ABCA13: variants seen among roughly 807,000 people sequenced by gnomAD.
ABCA13 encodes ATP-binding cassette sub-family A member 13.
Under a neutral mutation model 478.7 loss-of-function variants are expected in ABCA13, and 476 were observed. That is an observed-to-expected ratio of 0.99 (90% CI 0.92 to 1.07). The LOEUF (loss-of-function observed/expected upper bound fraction) is 1.07, where lower values mean the gene tolerates loss of function less well. ABCA13 is among the 50% of genes least tolerant of loss of function. ABCA13 has a pLI of 0.00. For synonymous variants in ABCA13, 2,252 were observed against 2,158.9 expected (o/e 1.04, Z -1.20); for missense variants, 6,060 against 5,910.6 (o/e 1.03, Z -0.83).
intron 39 of ABCA13, among the ~76,000 whole-genome samples, chr7:48,406,628 T>C (rs1409354270): frequency 6.6e-6 from 1 of 152,080 alleles, no homozygotes; most frequent in Non-Finnish European, 1.5e-5. Context: ...ATTCCAGCAC[T>C]TTGGGAGGCC....
intron 51 of ABCA13, among the ~76,000 whole-genome samples, chr7:48,513,589 C>T (rs781069122): frequency 5.9e-5 from 9 of 152,048 alleles, no homozygotes; most frequent in African/African-American, 1.2e-4. Context: ...CATGGGGAAG[C>T]GGCCGATTTT....
chr7:48,556,687 A>G (rs1354178314), intron 55 of ABCA13, among the ~76,000 whole-genome samples: 1 of 151,828 alleles, frequency 6.6e-6, no homozygotes, highest in Non-Finnish European at 1.5e-5. Flanking sequence ...TTTTCAGTCT[A>G]TGTGTATTTT....
chr7:48,204,770 C>T (rs896809169), intron 3 of ABCA13, among the ~76,000 whole-genome samples: 3 of 152,200 alleles, frequency 2.0e-5, no homozygotes, highest in African/African-American at 7.2e-5. Context: ...TGGTCAGCTA[C>T]CTGCTCGCGA....
rs1240984095 is a variant in ABCA13, at chr7:48,615,507, G to T, written c.14837+130G>T. Reference sequence around the variant, plus strand: ...TGCTGGCATAAAATAGGAGATGAAGGCTCTGAGGGGATAAAATACTGTGGC... The same window carrying T: ...TGCTGGCATAAAATAGGAGATGAAGTCTCTGAGGGGATAAAATACTGTGGC... On this transcript the variant is annotated intron_variant, in intron 59 of 61. Transcript: ENST00000435803. The T allele has an allele frequency of 1.8e-5, 13 of 704,662 alleles. No individual in the cohort carries two copies. The East Asian group carries it at 3.4e-4, about 19-fold the overall frequency. The allele number at this position is 704,662 out of a possible 1,614,324, so 43.7% of individuals were successfully genotyped here. A position where few individuals can be genotyped will look rare whatever the true frequency, so the allele number is the denominator to read the frequency against.
intron 31 of ABCA13, among the ~76,000 whole-genome samples, chr7:48,359,094 G>A (rs578222881): frequency 1.4e-4 from 21 of 152,074 alleles, no homozygotes; most frequent in Admixed American, 2.0e-4. Context: ...CAGCTCATAC[G>A]GGGTATTAAC....
chr7:48,411,015 CT>C (rs1755425309), intron 40 of ABCA13, among the ~76,000 whole-genome samples: 1 of 115,708 alleles, frequency 8.6e-6, no homozygotes, highest in South Asian at 2.5e-4. Context: ...TTCTTTCTTT[CT>C]TTCTTTCTTT....
At chr7:48,220,926 A>AT (rs911665977) in intron 4 of ABCA13, among the ~76,000 whole-genome samples, 8 of 151,806 alleles carry the variant, frequency 5.3e-5, no homozygotes, top group African/African-American at 1.7e-4. Context: ...TTTTTCCTTC[A>AT]TTTTTTTCTT....
At chr7:48,611,788 C>T (rs2131546717) in intron 58 of ABCA13, 1 of 152,324 alleles carries the variant, frequency 6.6e-6, no homozygotes, top group African/African-American at 2.4e-5. Context: ...ATCAGACCTC[C>T]ACTTGTCTGA....
chr7:48,471,389 A>C, intron 44 of ABCA13, 141 bp from the exon 45 acceptor site: 1 of 724,940 alleles, frequency 1.4e-6, no homozygotes, highest in Non-Finnish European at 2.3e-6. Flanking sequence ...TGTGAAAACA[A>C]ATGTAAGAGC....
At chr7:48,356,582 T>A (rs1341863828) in intron 31 of ABCA13, among the ~76,000 whole-genome samples, 2 of 151,808 alleles carry the variant, frequency 1.3e-5, no homozygotes, top group Non-Finnish European at 2.9e-5. Context: ...TAACTCTATT[T>A]AACTAAAAAT....
intron 56 of ABCA13, among the ~76,000 whole-genome samples, chr7:48,583,401 A>G (rs1257823412): frequency 6.6e-6 from 1 of 152,166 alleles, no homozygotes; most frequent in African/African-American, 2.4e-5. Flanking sequence ...TTAATCTCAC[A>G]GAAATGTTGA....
At position 48,524,232 on chromosome 7, in the gene ABCA13, G is replaced by A; in HGVS notation, c.14052-16G>A. 2 of 1,605,334 alleles carry A rather than the reference G, an allele frequency of 1.2e-6. No individual in the cohort carries two copies. The highest frequency in any genetic ancestry group is 1.7e-6 in the Non-Finnish European group (2 of 1,175,642). ...CATTTGCTAGGTGTGAATTCACTCT[G>A]ATTTCATCTTCCCAGGGGTCATTCT... On this transcript the variant is annotated splice_polypyrimidine_tract_variant and intron_variant, in intron 53 of 61. Coordinates refer to ENST00000435803, the MANE Select transcript of ABCA13 (RefSeq NM_152701.5).
chr7:48,525,693 T>TTTTG (rs56125184), intron 54 of ABCA13, among the ~76,000 whole-genome samples: 1 of 115,624 alleles, frequency 8.6e-6, no homozygotes, highest in Non-Finnish European at 1.7e-5. Context: ...TTTTTTTTTT[T>TTTTG]GAGTTATTAT....
chr7:48,592,031 T>C (rs901654815), intron 57 of ABCA13, among the ~76,000 whole-genome samples: 2 of 151,936 alleles, frequency 1.3e-5, no homozygotes, highest in South Asian at 4.1e-4. Context: ...CTTGTCTTGT[T>C]CTTCTTAGAT....
chr7:48,482,728 T>G (rs1232922686), intron 46 of ABCA13, among the ~76,000 whole-genome samples: 2 of 152,168 alleles, frequency 1.3e-5, no homozygotes, highest in African/African-American at 4.8e-5. Context: ...GTAGAGGGAA[T>G]GACCATTAAT....
intron 2 of ABCA13, among the ~76,000 whole-genome samples, chr7:48,194,060 A>T (rs373025268): frequency 0.33 from 4 of 12 alleles, 2 homozygotes; most frequent in Non-Finnish European, 0.5. Context: ...GATGATGATG[A>T]TGATGATGAT....
intron 55 of ABCA13, among the ~76,000 whole-genome samples, chr7:48,542,492 C>G (rs925130867): frequency 6.6e-6 from 1 of 150,612 alleles, no homozygotes; most frequent in Non-Finnish European, 1.5e-5. Context: ...ACTTAAATAC[C>G]CAAGAAGATC....
At chr7:48,192,042 A>C (rs756377785) in intron 1 of ABCA13, among the ~76,000 whole-genome samples, 2 of 152,232 alleles carry the variant, frequency 1.3e-5, no homozygotes, top group Non-Finnish European at 2.9e-5. Flanking sequence ...TCTGGCTATA[A>C]ACTTTTGTAT....
chr7:48,431,764 A>G (rs1822179726), intron 42 of ABCA13, among the ~76,000 whole-genome samples: 1 of 152,000 alleles, frequency 6.6e-6, no homozygotes, highest in Non-Finnish European at 1.5e-5. Flanking sequence ...TCCTTCTTGT[A>G]TTCTTCCTGG....
Sources: gnomAD v4.1 joint callset for allele counts (sites outside exome capture counted in the v4.1 genomes callset) on GRCh38, gnomAD v4.1.1 for gene constraint, MANE v1.5 for transcripts, NCBI Gene and HGNC (gene_info 2026-07-23, HGNC 2026-07-21) for gene names.